CFAP263: variants seen among roughly 807,000 people sequenced by gnomAD.
The protein encoded by CFAP263 is cilia and flagella associated protein 263.
chr16:58,275,068 A>G, the CFAP263 span, among the ~76,000 whole-genome samples: 16 of 152,342 alleles, frequency 1.1e-4, no homozygotes, highest in African/African-American at 3.4e-4. Context: ...GGGTCTCTCC[A>G]CAGTTGTTTG....
chr16:58,257,014 C>CTTTTT, the CFAP263 span, among the ~76,000 whole-genome samples: 28 of 41,916 alleles, frequency 6.7e-4, 12 homozygotes, highest in African/African-American at 3.2e-3. Context: ...ATATGAATTT[C>CTTTTT]TTTTTTTTTT....
At chr16:58,252,003 A>G in the CFAP263 span, among the ~76,000 whole-genome samples, 1 of 87,424 alleles carries the variant, frequency 1.1e-5, no homozygotes, top group African/African-American at 5.3e-5. Context: ...TTGGGTACTG[A>G]AAATAAAAGA....
At chr16:58,255,828 G>T in the CFAP263 span, among the ~76,000 whole-genome samples, 1 of 152,162 alleles carries the variant, frequency 6.6e-6, no homozygotes, top group Middle Eastern at 3.4e-3. Context: ...CTCCCAAAGT[G>T]CTGGGATTAC....
At chr16:58,254,198 TC>T in the CFAP263 span, 1 of 1,608,236 alleles carries the variant, frequency 6.2e-7, no homozygotes, top group Non-Finnish European at 8.5e-7. Flanking sequence ...CTGCCCAGGC[TC>T]CCCACCTCTA....
At chr16:58,273,521 CTA>C in the CFAP263 span, among the ~76,000 whole-genome samples, 1 of 152,124 alleles carries the variant, frequency 6.6e-6, no homozygotes, top group Non-Finnish European at 1.5e-5. Flanking sequence ...TCCAGATTTT[CTA>C]TGTTTTAAAA....
At chr16:58,254,349 T>C in the CFAP263 span, among the ~76,000 whole-genome samples, 2 of 152,178 alleles carry the variant, frequency 1.3e-5, no homozygotes, top group African/African-American at 4.8e-5. Flanking sequence ...TTGAACATTT[T>C]TTTAATGGGA....
the CFAP263 span, chr16:58,279,831 C>G: frequency 7.3e-7 from 1 of 1,375,456 alleles, no homozygotes; most frequent in Non-Finnish European, 1.0e-6. Context: ...AAGTAATCAG[C>G]TCCTTTCTAG....
chr16:58,277,141 T>A, the CFAP263 span, among the ~76,000 whole-genome samples: 4 of 152,002 alleles, frequency 2.6e-5, no homozygotes, highest in Admixed American at 2.6e-4. Flanking sequence ...TTTTTAAATT[T>A]TTTTTTTTAG....
chr16:58,252,793 C>T, the CFAP263 span: 1 of 1,613,562 alleles, frequency 6.2e-7, no homozygotes, highest in African/African-American at 1.3e-5. Flanking sequence ...AACTGGAGCC[C>T]AGGGATCAGC....
chr16:58,253,895 C>T, the CFAP263 span: 1 of 1,256,070 alleles, frequency 8.0e-7, no homozygotes, highest in South Asian at 1.3e-5. Flanking sequence ...GGCTGTCACT[C>T]TGGGGAACTT....
the CFAP263 span, among the ~76,000 whole-genome samples, chr16:58,263,570 G>A: frequency 5.9e-5 from 9 of 152,182 alleles, no homozygotes; most frequent in Admixed American, 6.5e-5. Flanking sequence ...TAGGTAGCTC[G>A]CAGGTGGGCT....
At chr16:58,258,048 C>T in the CFAP263 span, among the ~76,000 whole-genome samples, 1 of 138,752 alleles carries the variant, frequency 7.2e-6, no homozygotes, top group Non-Finnish European at 1.5e-5. Flanking sequence ...GCGGAGGTTG[C>T]AATGAGGTGA....
the CFAP263 span, chr16:58,250,175 G>C: frequency 9.2e-7 from 1 of 1,087,314 alleles, no homozygotes; most frequent in South Asian, 1.5e-5. Flanking sequence ...TCTCCGGGCG[G>C]CCTCGGACTT....
chr16:58,253,185 C>T, the CFAP263 span, among the ~76,000 whole-genome samples: 1 of 152,010 alleles, frequency 6.6e-6, no homozygotes, highest in Admixed American at 6.6e-5. Flanking sequence ...CGAGACCTTC[C>T]TGGGCAATAT....
chr16:58,257,260 G>A, the CFAP263 span, among the ~76,000 whole-genome samples: 7 of 111,106 alleles, frequency 6.3e-5, 1 homozygote, highest in Admixed American at 4.7e-4. Context: ...CTCGTGATCC[G>A]CCCGCCTCGG....
chr16:58,270,637 T>A, the CFAP263 span, among the ~76,000 whole-genome samples: 3 of 152,206 alleles, frequency 2.0e-5, no homozygotes, highest in African/African-American at 7.2e-5. Flanking sequence ...TATCCATTTT[T>A]TTTCTTTTGA....
the CFAP263 span, chr16:58,280,142 A>G: frequency 2.1e-6 from 3 of 1,422,394 alleles, no homozygotes; most frequent in Non-Finnish European, 2.9e-6. Context: ...AACTATCAAA[A>G]ACAGACATCA....
At chr16:58,259,260 G>A in the CFAP263 span, among the ~76,000 whole-genome samples, 1 of 152,110 alleles carries the variant, frequency 6.6e-6, no homozygotes, top group African/African-American at 2.4e-5. Flanking sequence ...ATAGAGATGA[G>A]GTCTCACTGT....
chr16:58,271,179 C>T, the CFAP263 span, among the ~76,000 whole-genome samples: 2 of 152,074 alleles, frequency 1.3e-5, no homozygotes, highest in Admixed American at 1.3e-4. Flanking sequence ...GAAGAACTTC[C>T]TGTAGTATTT....
Sources: allele counts gnomAD v4.1 joint callset (sites outside exome capture counted in the v4.1 genomes callset), GRCh38; gene constraint gnomAD v4.1.1; transcripts MANE v1.5; gene names NCBI Gene and HGNC (gene_info 2026-07-23, HGNC 2026-07-21).